KARS1: variants seen among roughly 807,000 people sequenced by gnomAD.
KARS1 encodes the protein lysine--tRNA ligase.
A neutral mutation model predicts 63.9 loss-of-function variants in KARS1; 50 were observed. The ratio of observed to expected loss-of-function variants is 0.78; its 90% CI spans 0.62 to 0.99. The LOEUF (loss-of-function observed/expected upper bound fraction) is 0.99. KARS1 is among the 50% of genes least tolerant of loss of function. The pLI is 0.00. For missense variants in KARS1, 816 were observed against 754.5 expected, an observed-to-expected ratio of 1.08 and a Z score of -0.95; for synonymous variants, 320 against 264.6, an observed-to-expected ratio of 1.21 and a Z score of -2.03.
intron 11 of KARS1, 60 bp from the exon 12 acceptor site, chr16:75,629,601 G>GT: frequency 6.3e-7 from 1 of 1,595,826 alleles, no homozygotes; most frequent in Admixed American, 1.7e-5. Context: ...GCTAAATTTT[G>GT]TTTTTTCTTT....
chr16:75,630,722 G>A (rs1256019830), intron 10 of KARS1, among the ~76,000 whole-genome samples: 1 of 151,810 alleles, frequency 6.6e-6, no homozygotes, highest in African/African-American at 2.4e-5. Flanking sequence ...TGCAACCTCC[G>A]CATCCTGGTT....
In KARS1 at chr16:75,634,263, T is replaced by C; in HGVS notation, c.825A>G (p.Pro275=). Residue 275 remains proline, a synonymous_variant, in exon 7 of 14, where the codon CCA becomes CCG. Transcript: ENST00000302445. ...EIETPMMNII[P]GGAVAKPFIT... is the part of the protein sequence containing the mutation. ...TGAAAGGCTTGGCCACGGCTCCCCC[T>C]GGGATGATGTTCATCATGGGAGTTT... 6.2e-7 allele frequency: 1 copy of C among 1,614,026 alleles called. No individual in the cohort carries two copies. The highest frequency in any genetic ancestry group is 8.5e-7 in the Non-Finnish European group (1 of 1,179,910).
At chr16:75,628,935 A>G in intron 12 of KARS1, 1 of 583,110 alleles carries the variant, frequency 1.7e-6, no homozygotes, top group Non-Finnish European at 3.0e-6. Context: ...ACACATACAA[A>G]TTTCTCTGAA....
intron 11 of KARS1, among the ~76,000 whole-genome samples, 194 bp from the exon 12 acceptor site, chr16:75,629,735 T>A (rs2082091089): frequency 6.6e-6 from 1 of 152,206 alleles, no homozygotes. Flanking sequence ...GTAGCCGGGA[T>A]CACAGGCCCA....
Position 75,631,210 on chromosome 16 carries a change from A to C in KARS1, c.1296T>G (p.Val432=). The change falls in exon 10 of 14, where the codon GTT becomes GTG. Residue 432 remains valine, a synonymous_variant. Transcript: ENST00000302445. ...ILDDICVAKA[V]ECPPPRTTAR... is the part of the protein sequence containing the mutation. The stretch of plus-strand genomic sequence containing the variant: ...CTGTGGTCCGAGGTGGAGGGCATTC[A>C]ACAGCTTTTGCCACACAGATATCAT... 6.2e-7 allele frequency: 1 copy of C among 1,614,120 alleles called. No homozygotes were observed. The highest frequency in any genetic ancestry group is 1.1e-5 in the South Asian group (1 of 91,058).
chr16:75,628,905 C>T, intron 12 of KARS1, 193 bp from the exon 13 acceptor site: 1 of 651,850 alleles, frequency 1.5e-6, no homozygotes, highest in Non-Finnish European at 2.7e-6. Flanking sequence ...GAGGTCAGGA[C>T]TGATGAAATC....
chr16:75,636,587 G>T (rs1191621847), intron 3 of KARS1, 40 bp from the exon 4 acceptor site: 1 of 1,275,136 alleles, frequency 7.8e-7, no homozygotes, highest in South Asian at 1.2e-5. Context: ...GACAGAACCA[G>T]AAGTCATTTT....
intron 1 of KARS1, 105 bp from the exon 2 acceptor site, chr16:75,641,828 C>G: frequency 8.3e-7 from 1 of 1,209,428 alleles, no homozygotes; most frequent in Non-Finnish European, 1.2e-6. Context: ...GAGAAACGCT[C>G]TTGCTCAGTT....
intron 1 of KARS1, 130 bp downstream of exon 1, chr16:75,647,448 C>T (rs2082300646): frequency 2.3e-6 from 2 of 874,300 alleles, no homozygotes; most frequent in Non-Finnish European, 3.7e-6. Context: ...GCCACCACGT[C>T]TCAGCATGTG....
intron 1 of KARS1, among the ~76,000 whole-genome samples, chr16:75,646,707 C>T (rs193115500): frequency 6.6e-6 from 1 of 151,886 alleles, no homozygotes; most frequent in Admixed American, 6.6e-5. Flanking sequence ...AGTGCAGTGG[C>T]ACGACTTCAG....
At chr16:75,636,133 A>C in intron 4 of KARS1, 35 bp from the exon 5 acceptor site, 1 of 1,302,622 alleles carries the variant, frequency 7.7e-7, no homozygotes, top group Non-Finnish European at 1.1e-6. Flanking sequence ...AGTAACAACA[A>C]TTCAAATGAA....
At chr16:75,635,136 CAT>C (rs1171973675) in intron 6 of KARS1, among the ~76,000 whole-genome samples, 1 of 152,184 alleles carries the variant, frequency 6.6e-6, no homozygotes, top group East Asian at 1.9e-4. Context: ...TCACAATACA[CAT>C]AGTGTGACTT....
intron 1 of KARS1, 53 bp from the exon 2 acceptor site, chr16:75,641,776 T>C (rs2082228023): frequency 1.3e-6 from 2 of 1,589,006 alleles, no homozygotes; most frequent in Admixed American, 3.3e-5. Context: ...GAGTCCTCTA[T>C]GTTCTGCCCC....
In KARS1 at chr16:75,640,125, C is replaced by T. The variant is rs943581025; in HGVS notation, c.388+59G>A. The T allele has an allele frequency of 1.7e-5, 25 of 1,467,652 alleles. No individual in the cohort carries two copies. The South Asian group carries it at 2.8e-4, about 17-fold the overall frequency. The allele number at this position is 1,467,652 out of a possible 1,614,324, so 90.9% of individuals were successfully genotyped here. A position where few individuals can be genotyped will look rare whatever the true frequency, so the allele number is the denominator to read the frequency against. On this transcript the variant is annotated intron_variant, in intron 3 of 13. Coordinates refer to ENST00000302445, the MANE Select transcript of KARS1 (RefSeq NM_005548.3). ...CCAACCCAGACCTTCCCTTGTGCTACTGAAGCCGCAGGCCTACCTGCTGTG... is the reference window on the plus strand; with the variant it reads ...CCAACCCAGACCTTCCCTTGTGCTATTGAAGCCGCAGGCCTACCTGCTGTG...
At chr16:75,641,789 G>A in intron 1 of KARS1, 66 bp from the exon 2 acceptor site, 1 of 1,547,586 alleles carries the variant, frequency 6.5e-7, no homozygotes. Flanking sequence ...TCTGCCCCTA[G>A]CAACTTATCA....
At chr16:75,630,326 G>C in intron 11 of KARS1, 97 bp downstream of exon 11, 1 of 800,776 alleles carries the variant, frequency 1.2e-6, no homozygotes, top group Non-Finnish European at 2.1e-6. Flanking sequence ...CCACCCAGCA[G>C]AAAGACCACC....
At chr16:75,629,105 C>T (rs2082082166) in intron 12 of KARS1, 2 of 468,146 alleles carry the variant, frequency 4.3e-6, no homozygotes, top group East Asian at 4.4e-5. Context: ...TTCATCTCTA[C>T]CTACCTCCCA....
Position 75,631,706 on chromosome 16 carries a change from C to T in KARS1, c.1065G>A (p.Glu355=). Residue 355 remains glutamate (E), a synonymous_variant, in exon 8 of 14, where the codon GAG becomes GAA. Transcript: ENST00000302445. The part of the protein sequence containing the change: ...ADYHDLMEIT[E]KMVSGMVKHI... ...AGCAGGAGTCACCTGAAACCATCTT[C>T]TCCGTGATTTCCATGAGATCGTGAT... 6.2e-7 allele frequency: 1 copy of T among 1,614,214 alleles called. No individual in the cohort carries two copies. The highest frequency in any genetic ancestry group is 8.5e-7 in the Non-Finnish European group (1 of 1,180,038).
intron 12 of KARS1, 123 bp from the exon 13 acceptor site, chr16:75,628,835 ACTT>A: frequency 2.0e-6 from 2 of 1,021,974 alleles, no homozygotes; most frequent in Non-Finnish European, 3.0e-6. Context: ...GACACTCAGG[ACTT>A]GCTGGGAATT....
Sources: gnomAD v4.1 joint callset for allele counts (sites outside exome capture counted in the v4.1 genomes callset) on GRCh38, gnomAD v4.1.1 for gene constraint, MANE v1.5 for transcripts, NCBI Gene and HGNC (gene_info 2026-07-23, HGNC 2026-07-21) for gene names.